The following CCNB3 variants were observed in gnomAD, a reference collection of about 807,000 sequenced individuals.
CCNB3 encodes G2/mitotic-specific cyclin-B3.
CCNB3 carries 12 observed loss-of-function variants against 68.0 expected under a neutral mutation model. That is an observed-to-expected ratio of 0.18 (90% confidence interval 0.11 to 0.29). The LOEUF (loss-of-function observed/expected upper bound fraction) is 0.29. Among genes scored for constraint, CCNB3 ranks in the 10% least tolerant of loss-of-function variants. The pLI is 1.00. For synonymous variants in CCNB3, 354 were observed against 388.9 expected, an observed-to-expected ratio of 0.91 and a Z score of 1.06; for missense variants, 904 against 993.1, an observed-to-expected ratio of 0.91 and a Z score of 1.21.
At chrX:50,304,980 G>A (rs1437915851) in intron 5 of CCNB3, among the ~76,000 whole-genome samples, 1 of 111,608 alleles carries the variant, frequency 9.0e-6, no homozygotes, top group African/African-American at 3.3e-5. Context: ...AGTTAGAATG[G>A]CGATCATTAA....
intron 1 of CCNB3, among the ~76,000 whole-genome samples, chrX:50,279,506 T>TA (rs1936047336): frequency 2.4e-5 from 2 of 83,245 alleles, no homozygotes; most frequent in Admixed American, 1.7e-4. Context: ...TATATATGAA[T>TA]GTATTTATTC....
chrX:50,298,739 T>G (rs1321979442), intron 5 of CCNB3, among the ~76,000 whole-genome samples: 1 of 111,492 alleles, frequency 9.0e-6, no homozygotes, highest in Non-Finnish European at 1.9e-5. Context: ...CTGGTAGAAT[T>G]CGGCTGTGAA....
At chrX:50,340,684 G>A in intron 8 of CCNB3, among the ~76,000 whole-genome samples, 1 of 112,004 alleles carries the variant, frequency 8.9e-6, no homozygotes, top group East Asian at 2.8e-4. Flanking sequence ...AGGCTTGAAG[G>A]GCTGCATTCA....
chrX:50,293,519 T>C (rs1403699582), intron 4 of CCNB3, among the ~76,000 whole-genome samples: 1 of 111,512 alleles, frequency 9.0e-6, no homozygotes, highest in Non-Finnish European at 1.9e-5. Flanking sequence ...TGTACACACA[T>C]ATACCTATTT....
In CCNB3 at chrX:50,310,165, A is replaced by G; in HGVS notation, c.1996A>G (p.Thr666Ala). 1.7e-6 allele frequency: 2 copies of G among 1,209,439 alleles called. No individual in the cohort carries two copies. The highest frequency in any genetic ancestry group is 2.2e-6 in the Non-Finnish European group (2 of 893,614). Residue 666 changes from threonine (T) to alanine (A), a missense_variant, in exon 6 of 13, where the codon ACC becomes GCC. Thr to Ala is a moderately conservative substitution (Grantham distance 58). Coordinates refer to ENST00000376042, the MANE Select transcript of CCNB3 (RefSeq NM_033031.3). The part of the protein sequence containing the change: ...KESLAIQEKA[T>A]TEEEFSQELF... Reference sequence around the variant, plus strand: ...GTCATTGGCCATCCAAGAGAAGGCTACCACTGAGGAGGAATTCTCTCAGGA... The same window carrying G: ...GTCATTGGCCATCCAAGAGAAGGCTGCCACTGAGGAGGAATTCTCTCAGGA...
chrX:50,203,753 C>T (rs781920868), upstream of CCNB3, among the ~76,000 whole-genome samples: 12 of 111,594 alleles, frequency 1.1e-4, no homozygotes, highest in South Asian at 4.5e-3. Context: ...AAAAAAATTT[C>T]AGGGGGCAAC....
intron 4 of CCNB3, among the ~76,000 whole-genome samples, chrX:50,292,980 G>T (rs1936376181): frequency 9.0e-6 from 1 of 111,665 alleles, no homozygotes; most frequent in African/African-American, 3.3e-5. Flanking sequence ...TAGGATGTCT[G>T]CTTTTTCTGC....
At chrX:50,301,076 C>T (rs781877795) in intron 5 of CCNB3, among the ~76,000 whole-genome samples, 4 of 110,255 alleles carry the variant, frequency 3.6e-5, no homozygotes, top group African/African-American at 1.3e-4. Flanking sequence ...GCCATTGGTT[C>T]GGACTTCCTC....
At chrX:50,299,756 G>T (rs1187622381) in intron 5 of CCNB3, among the ~76,000 whole-genome samples, 1 of 110,918 alleles carries the variant, frequency 9.0e-6, no homozygotes, top group Non-Finnish European at 1.9e-5. Context: ...CATTATTATT[G>T]TGTGGGAGTC....
At chrX:50,228,471 C>A (rs1935969709) in intron 1 of CCNB3, among the ~76,000 whole-genome samples, 2 of 88,004 alleles carry the variant, frequency 2.3e-5, no homozygotes, top group Admixed American at 1.5e-4. Flanking sequence ...GAGGATATAT[C>A]TATATAGAAT....
intron 9 of CCNB3, 106 bp from the exon 10 acceptor site, chrX:50,346,546 A>T: frequency 1.2e-6 from 1 of 827,377 alleles, no homozygotes; most frequent in Non-Finnish European, 1.7e-6. Context: ...TACCCTGAAG[A>T]TTTATGCCAG....
At chrX:50,226,079 G>C (rs1309763550) in intron 1 of CCNB3, among the ~76,000 whole-genome samples, 1 of 75,406 alleles carries the variant, frequency 1.3e-5, no homozygotes, top group Non-Finnish European at 2.4e-5. Flanking sequence ...AATATATATA[G>C]AATATATATG....
chrX:50,309,841 G>GAAGATAAGA lies in CCNB3; in HGVS notation c.1674_1682dup (p.Lys560_Asn561insLysAspLys). On this transcript the variant is annotated inframe_insertion, in exon 6 of 13. Transcript: ENST00000376042. ...GTTGGACTTTCAGGATATGATTGGTGAAGATAAGAATTCTTTCTTTATGGA... is the reference window on the plus strand; with the variant it reads ...GTTGGACTTTCAGGATATGATTGGTGAAGATAAGAAAGATAAGAATTCTTTCTTTATGGA... The GAAGATAAGA allele has an allele frequency of 1.7e-6, 2 of 1,210,326 alleles. No individual in the cohort carries two copies.
chrX:50,283,127 T>C (rs768974927), intron 1 of CCNB3, among the ~76,000 whole-genome samples: 6 of 111,784 alleles, frequency 5.4e-5, no homozygotes, highest in Non-Finnish European at 1.1e-4. Context: ...ACACAAGTCC[T>C]CTGCAAGTAA....
intron 1 of CCNB3, among the ~76,000 whole-genome samples, chrX:50,220,395 G>T (rs1330206432): frequency 9.0e-6 from 1 of 111,639 alleles, no homozygotes; most frequent in Admixed American, 9.6e-5. Flanking sequence ...TATGATATTG[G>T]CTGTGGGTTT....
chrX:50,300,713 A>G (rs1386504330), intron 5 of CCNB3, among the ~76,000 whole-genome samples: 7 of 111,768 alleles, frequency 6.3e-5, no homozygotes, highest in Non-Finnish European at 1.3e-4. Flanking sequence ...CTCCTGGATA[A>G]TATCCTGCAG....
At chrX:50,292,112 G>A (rs1300041581) in intron 4 of CCNB3, among the ~76,000 whole-genome samples, 1 of 111,321 alleles carries the variant, frequency 9.0e-6, no homozygotes, top group Admixed American at 9.6e-5. Context: ...GAATAGGGAA[G>A]TTGTCTTATA....
chrX:50,306,068 G>A (rs1557213548), intron 5 of CCNB3, among the ~76,000 whole-genome samples: 1 of 107,997 alleles, frequency 9.3e-6, no homozygotes. Context: ...TTACAGGCTT[G>A]AGCTACTGTG....
intron 1 of CCNB3, among the ~76,000 whole-genome samples, chrX:50,283,126 CT>C (rs1488851282): frequency 1.8e-5 from 2 of 111,652 alleles, no homozygotes; most frequent in Non-Finnish European, 3.8e-5. Flanking sequence ...CACACAAGTC[CT>C]CTGCAAGTAA....
Sources: gnomAD v4.1 joint callset for allele counts (sites outside exome capture counted in the v4.1 genomes callset) on GRCh38, gnomAD v4.1.1 for gene constraint, MANE v1.5 for transcripts, NCBI Gene and HGNC (gene_info 2026-07-23, HGNC 2026-07-21) for gene names.